IFT52: variants seen among roughly 807,000 people sequenced by gnomAD.
IFT52 encodes intraflagellar transport protein 52 homolog.
In IFT52, 44 loss-of-function variants were observed where a neutral mutation model predicts 54.4. The observed-to-expected ratio is 0.81, with a 90% CI of 0.63 to 1.04. The LOEUF (loss-of-function observed/expected upper bound fraction) is 1.04, where lower values mean the gene tolerates loss of function less well. IFT52 is among the 50% of genes least tolerant of loss of function. The probability of loss-of-function intolerance (pLI) is 0.00; values close to 1 mark genes in which losing one functional copy is unlikely to be tolerated. For missense variants in IFT52, 452 were observed against 523.6 expected (o/e 0.86, Z 1.33); for synonymous variants, 181 against 185.3 (o/e 0.98, Z 0.19).
At chr20:43,634,414 GA>G (rs1985382863) in intron 10 of IFT52, among the ~76,000 whole-genome samples, 2 of 152,064 alleles carry the variant, frequency 1.3e-5, no homozygotes. Flanking sequence ...AGTCACCAAA[GA>G]AAGTGAAACA....
In IFT52 at chr20:43,643,963, G is replaced by A. The variant is rs1425928634; in HGVS notation, c.1266+1339G>A. Among the ~76,000 whole-genome samples the A allele has an allele frequency of 3.5e-5, 2 of 57,160 alleles. 1 individual carries two copies. The highest frequency in any genetic ancestry group is 1.0e-4 in the African/African-American group (2 of 19,720). The allele number at this position is 57,160 out of a possible 152,430, so 37.5% of individuals were successfully genotyped here. A position where few individuals can be genotyped will look rare whatever the true frequency, so the allele number is the denominator to read the frequency against. On this transcript the variant is annotated intron_variant, in intron 13 of 13. Transcript: ENST00000373030. ...AAAATACAAAAATTAGCTGGGCGTG[G>A]TGGTGCATGCCTGTAGTCCCAGCTC...
chr20:43,607,661 G>A (rs1983053259), intron 6 of IFT52, among the ~76,000 whole-genome samples: 1 of 147,304 alleles, frequency 6.8e-6, no homozygotes, highest in African/African-American at 2.5e-5. Context: ...TCACTTTCCA[G>A]ACTGGGCAGC....
intron 3 of IFT52, among the ~76,000 whole-genome samples, chr20:43,598,246 G>A (rs749959070): frequency 7.9e-5 from 12 of 152,162 alleles, no homozygotes; most frequent in East Asian, 5.8e-4. Context: ...TAGAGTAGTC[G>A]AATTCGTAGA....
chr20:43,613,784 G>T, intron 6 of IFT52, 66 bp from the exon 7 acceptor site: 1 of 1,477,534 alleles, frequency 6.8e-7, no homozygotes, highest in South Asian at 1.1e-5. Context: ...GAAACATTGA[G>T]ATTATTTTCA....
intron 3 of IFT52, among the ~76,000 whole-genome samples, chr20:43,601,175 T>C (rs1022510826): frequency 6.6e-6 from 1 of 152,154 alleles, no homozygotes; most frequent in Non-Finnish European, 1.5e-5. Context: ...TATTATGGCA[T>C]TAATATTTTG....
At chr20:43,624,120 C>T (rs1310260801) in intron 10 of IFT52, 75 bp downstream of exon 10, 68 of 1,470,378 alleles carry the variant, frequency 4.6e-5, no homozygotes, top group South Asian at 2.4e-4. Context: ...AACCTGGGAA[C>T]GGGAATTAGG....
intron 6 of IFT52, among the ~76,000 whole-genome samples, chr20:43,608,194 G>C (rs1983130011): frequency 6.6e-6 from 1 of 152,146 alleles, no homozygotes; most frequent in East Asian, 1.9e-4. Context: ...GAGGGAGTGG[G>C]AGTATTTTTT....
At chr20:43,598,905 T>C (rs1282296445) in intron 3 of IFT52, among the ~76,000 whole-genome samples, 3 of 151,900 alleles carry the variant, frequency 2.0e-5, no homozygotes, top group African/African-American at 7.3e-5. Flanking sequence ...GCCAATGTGG[T>C]CCTTAGATTG....
chr20:43,637,048 T>G, intron 11 of IFT52, 97 bp from the exon 12 acceptor site: 1 of 786,392 alleles, frequency 1.3e-6, no homozygotes. Context: ...GTCTTATCAC[T>G]GTTAGTTATG....
At chr20:43,599,797 A>G (rs1185956845) in intron 3 of IFT52, among the ~76,000 whole-genome samples, 1 of 152,148 alleles carries the variant, frequency 6.6e-6, no homozygotes, top group Non-Finnish European at 1.5e-5. Context: ...CCTCAACTAC[A>G]TTGACGCATT....
intron 13 of IFT52, among the ~76,000 whole-genome samples, chr20:43,646,202 C>G (rs1247535164): frequency 3.1e-5 from 3 of 95,880 alleles, no homozygotes; most frequent in Non-Finnish European, 6.4e-5. Context: ...CAGAGCGAGA[C>G]TCGTCTCAAA....
intron 9 of IFT52, among the ~76,000 whole-genome samples, chr20:43,621,558 G>A (rs1255490520): frequency 6.6e-6 from 1 of 152,176 alleles, no homozygotes; most frequent in Non-Finnish European, 1.5e-5. Flanking sequence ...TGTCTCCTGG[G>A]TCCAAGCGAT....
intron 10 of IFT52, among the ~76,000 whole-genome samples, chr20:43,627,942 T>TTG: frequency 6.8e-6 from 1 of 148,036 alleles, no homozygotes; most frequent in South Asian, 2.2e-4. Flanking sequence ...TTTTTTTTTT[T>TTG]TTTGAGATAC....
chr20:43,601,606 A>C (rs184678868), intron 3 of IFT52, among the ~76,000 whole-genome samples: 2 of 152,188 alleles, frequency 1.3e-5, no homozygotes, highest in African/African-American at 4.8e-5. Flanking sequence ...CTATATACTC[A>C]TTGCATTTAG....
At chr20:43,603,983 C>T in intron 4 of IFT52, 94 bp downstream of exon 4, 1 of 1,042,134 alleles carries the variant, frequency 9.6e-7, no homozygotes, top group Non-Finnish European at 1.4e-6. Context: ...ATGGAAAAAG[C>T]CCTGGGCTGT....
In IFT52 at chr20:43,607,135, G is replaced by A. The variant is rs571647626; in HGVS notation, c.485+2062G>A. Among the ~76,000 whole-genome samples the A allele has an allele frequency of 1.4e-4, 21 of 152,284 alleles. No individual in the cohort carries two copies. In the South Asian group the frequency reaches 4.3e-3, roughly 32 times the overall value. ...GACTGGGTGGTTGCCAGGCAGAGGG[G>A]CTCCTCACTTCCCAGTAGGGGCAGC... On this transcript the variant is annotated intron_variant, in intron 6 of 13. Coordinates refer to ENST00000373030, the MANE Select transcript of IFT52 (RefSeq NM_016004.5).
chr20:43,601,101 G>T (rs1982406587), intron 3 of IFT52, among the ~76,000 whole-genome samples: 1 of 152,084 alleles, frequency 6.6e-6, no homozygotes, highest in Non-Finnish European at 1.5e-5. Flanking sequence ...TGTGGGACTG[G>T]TCTGAATATT....
At chr20:43,596,852 A>G (rs1982007092) in intron 3 of IFT52, among the ~76,000 whole-genome samples, 1 of 143,276 alleles carries the variant, frequency 7.0e-6, no homozygotes, top group African/African-American at 2.6e-5. Flanking sequence ...AGCAATTCTC[A>G]CTGCCTCAGC....
intron 3 of IFT52, among the ~76,000 whole-genome samples, chr20:43,602,747 T>A (rs1982562110): frequency 6.6e-6 from 1 of 152,116 alleles, no homozygotes; most frequent in Non-Finnish European, 1.5e-5. Flanking sequence ...TCACCTCAAG[T>A]GATCCGCCTA....
Sources: gnomAD v4.1 joint callset for allele counts (sites outside exome capture counted in the v4.1 genomes callset) on GRCh38, gnomAD v4.1.1 for gene constraint, MANE v1.5 for transcripts, NCBI Gene and HGNC (gene_info 2026-07-23, HGNC 2026-07-21) for gene names.